The following COL22A1 variants were observed in gnomAD, a reference collection of about 807,000 sequenced individuals.
The protein encoded by COL22A1 is collagen type XXII alpha 1 chain.
COL22A1 carries 221 observed loss-of-function variants against 248.9 expected under a neutral mutation model. The observed-to-expected ratio is 0.89, with a 90% CI of 0.80 to 0.99. COL22A1 has a LOEUF of 0.99. Ranked by LOEUF, COL22A1 falls within the 50% of genes least tolerant of loss-of-function variation. The pLI is 0.00. For missense variants in COL22A1, 2,240 were observed against 2,179.0 expected (o/e 1.03, Z -0.56); for synonymous variants, 891 against 793.4 (o/e 1.12, Z -2.07).
intron 16 of COL22A1, 140 bp from the exon 17 acceptor site, chr8:138,762,606 ACAC>A (rs1459455679): frequency 4.7e-5 from 30 of 639,366 alleles, no homozygotes; most frequent in Middle Eastern, 2.8e-4. Context: ...ACACACACAC[ACAC>A]AACAGCCCTA....
intron 43 of COL22A1, 65 bp downstream of exon 43, chr8:138,661,965 G>A (rs1261442694): frequency 7.8e-7 from 1 of 1,274,186 alleles, no homozygotes; most frequent in Admixed American, 2.2e-5. Context: ...GGAGATGGTG[G>A]AGGGCGGGCT....
In COL22A1 at chr8:138,770,630, C is replaced by T. The variant is rs2318333; in HGVS notation, c.1803+5336G>A. ...GGCTTTTTCCAAGAGAAGATGGAAA[C>T]CTTCTTGCTGATATAAGAAATCAGA... On this transcript the variant is annotated intron_variant, in intron 16 of 64. Coordinates refer to ENST00000303045, the MANE Select transcript of COL22A1 (RefSeq NM_152888.3). Among the ~76,000 whole-genome samples, 1,294 of 152,150 alleles carry T rather than the reference C, an allele frequency of 8.5e-3. 18 individuals carry two copies. The highest frequency in any genetic ancestry group is 0.03 in the African/African-American group (1,249 of 41,492).
intron 22 of COL22A1, among the ~76,000 whole-genome samples, chr8:138,747,367 A>AT (rs1006163157): frequency 2.0e-5 from 3 of 152,260 alleles, no homozygotes; most frequent in Non-Finnish European, 4.4e-5. Context: ...ATCACAAAAC[A>AT]TTTTTTGAAA....
At chr8:138,616,823 T>G (rs1819362406) in intron 54 of COL22A1, 91 bp downstream of exon 54, 1 of 1,475,440 alleles carries the variant, frequency 6.8e-7, no homozygotes, top group African/African-American at 1.4e-5. Context: ...GGTAAGGCAC[T>G]GCCATGGCCT....
intron 41 of COL22A1, among the ~76,000 whole-genome samples, chr8:138,673,644 G>A (rs577945618): frequency 7.9e-5 from 12 of 152,340 alleles, no homozygotes; most frequent in African/African-American, 2.9e-4. Flanking sequence ...TTCAGAGGTT[G>A]TGGGAAGCGG....
chr8:138,725,210 G>A (rs993906402), intron 24 of COL22A1, among the ~76,000 whole-genome samples, 177 bp downstream of exon 24: 2 of 152,220 alleles, frequency 1.3e-5, no homozygotes, highest in Admixed American at 6.5e-5. Flanking sequence ...TAAGGGTTCC[G>A]AAGGTCGGAG....
At chr8:138,764,423 C>T (rs567684071) in intron 16 of COL22A1, among the ~76,000 whole-genome samples, 154 of 152,304 alleles carry the variant, frequency 1.0e-3, no homozygotes, top group Non-Finnish European at 1.5e-3. Context: ...CCTGACTCTG[C>T]GTCTCCAAGT....
chr8:138,689,414 T>C (rs1484957484), intron 36 of COL22A1, among the ~76,000 whole-genome samples: 1 of 151,984 alleles, frequency 6.6e-6, no homozygotes, highest in Non-Finnish European at 1.5e-5. Flanking sequence ...ATGGATGCAA[T>C]AGTAGGGAAA....
In COL22A1 at chr8:138,761,411, C is replaced by T. The variant is rs527947959; in HGVS notation, c.1857+1002G>A. On this transcript the variant is annotated intron_variant, in intron 17 of 64. Transcript: ENST00000303045. ...TTTAAATGGTTCCACGTTTATGATACAATGTTGAAGGAAGAAAAGCAAGAT... is the reference window on the plus strand; with the variant it reads ...TTTAAATGGTTCCACGTTTATGATATAATGTTGAAGGAAGAAAAGCAAGAT... Among the ~76,000 whole-genome samples the T allele has an allele frequency of 1.3e-4, 20 of 152,064 alleles. No individual in the cohort carries two copies. In the South Asian group the frequency reaches 3.7e-3, roughly 28 times the overall value.
chr8:138,618,361 C>T (rs1457838976), intron 53 of COL22A1, among the ~76,000 whole-genome samples: 1 of 152,216 alleles, frequency 6.6e-6, no homozygotes, highest in Admixed American at 6.5e-5. Flanking sequence ...CCCTGCCTGG[C>T]TTTCTAACCT....
At chr8:138,664,194 T>TGC (rs150972699) in intron 41 of COL22A1, among the ~76,000 whole-genome samples, 5,118 of 84,464 alleles carry the variant, frequency 0.061, 176 homozygotes, top group East Asian at 0.081. Context: ...CAACAAGGGG[T>TGC]GCGCGCGCGC....
At chr8:138,719,819 G>A (rs112688376) in intron 27 of COL22A1, among the ~76,000 whole-genome samples, 235 of 152,254 alleles carry the variant, frequency 1.5e-3, no homozygotes, top group African/African-American at 5.4e-3. Context: ...GCCTGTGGGC[G>A]GGCAGTGGGA....
At chr8:138,852,464 T>C (rs1361532485) in intron 3 of COL22A1, among the ~76,000 whole-genome samples, 3 of 152,152 alleles carry the variant, frequency 2.0e-5, no homozygotes, top group Admixed American at 1.3e-4. Context: ...ATGAGTCCAA[T>C]GGTGGACATT....
At chr8:138,823,197 ATAATT>A (rs1196103513) in intron 6 of COL22A1, among the ~76,000 whole-genome samples, 2 of 152,226 alleles carry the variant, frequency 1.3e-5, no homozygotes, top group African/African-American at 4.8e-5. Context: ...TTGATCCACG[ATAATT>A]TAATTAATGA....
intron 3 of COL22A1, among the ~76,000 whole-genome samples, chr8:138,874,301 T>C (rs1344075669): frequency 6.6e-6 from 1 of 152,214 alleles, no homozygotes; most frequent in East Asian, 1.9e-4. Context: ...CATGAGCTTT[T>C]CTTGACGTGA....
At chr8:138,815,590 C>T (rs528589324) in intron 7 of COL22A1, among the ~76,000 whole-genome samples, 1 of 152,294 alleles carries the variant, frequency 6.6e-6, no homozygotes, top group East Asian at 1.9e-4. Flanking sequence ...GCACAACATC[C>T]TGAATGTGGT....
chr8:138,811,458 ACAT>A (rs2131695918), intron 9 of COL22A1, among the ~76,000 whole-genome samples: 1 of 152,306 alleles, frequency 6.6e-6, no homozygotes, highest in South Asian at 2.1e-4. Flanking sequence ...CTTGCAAAGC[ACAT>A]AGAAATCCTC....
At chr8:138,765,294 G>A (rs1833825800) in intron 16 of COL22A1, among the ~76,000 whole-genome samples, 1 of 152,204 alleles carries the variant, frequency 6.6e-6, no homozygotes, top group Non-Finnish European at 1.5e-5. Context: ...CTGGGCTGGT[G>A]AGTGGACAAG....
chr8:138,797,005 G>A, intron 11 of COL22A1, 148 bp from the exon 12 acceptor site: 1 of 690,292 alleles, frequency 1.4e-6, no homozygotes, highest in South Asian at 1.7e-5. Flanking sequence ...GGTGACTATT[G>A]TTAACTGAGT....
Sources: gnomAD v4.1 joint callset for allele counts (sites outside exome capture counted in the v4.1 genomes callset) on GRCh38, gnomAD v4.1.1 for gene constraint, MANE v1.5 for transcripts, NCBI Gene and HGNC (gene_info 2026-07-23, HGNC 2026-07-21) for gene names.